The following BACH2 variants were observed in gnomAD, a reference collection of about 807,000 sequenced individuals.
BACH2 encodes BACH transcriptional regulator 2.
Under a neutral mutation model 61.8 loss-of-function variants are expected in BACH2, and 5 were observed. The observed-to-expected ratio is 0.08, with a 90% CI of 0.04 to 0.17. The LOEUF (loss-of-function observed/expected upper bound fraction) is 0.17. Among genes scored for constraint, BACH2 ranks in the 10% least tolerant of loss-of-function variants. The pLI, the probability that BACH2 is intolerant of heterozygous loss-of-function variation, is 1.00. For synonymous variants in BACH2, 446 were observed against 440.1 expected (o/e 1.01, Z -0.17); for missense variants, 824 against 1,091.1 (o/e 0.76, Z 3.45).
intron 4 of BACH2, among the ~76,000 whole-genome samples, chr6:90,184,388 G>C (rs746639085): frequency 3.9e-5 from 6 of 152,156 alleles, no homozygotes; most frequent in Admixed American, 6.5e-5. Flanking sequence ...GAGAAAAAAA[G>C]GTAAGAGCTG....
intron 3 of BACH2, among the ~76,000 whole-genome samples, chr6:90,244,984 AG>A (rs1770584357): frequency 6.6e-6 from 1 of 152,120 alleles, no homozygotes; most frequent in Non-Finnish European, 1.5e-5. Flanking sequence ...ACCTGAGGTC[AG>A]GAGTTCGAGA....
At chr6:90,024,545 A>AGGAGGAAATAAACTAGGTGACTT (rs1778538189) in intron 5 of BACH2, among the ~76,000 whole-genome samples, 2 of 152,310 alleles carry the variant, frequency 1.3e-5, no homozygotes, top group African/African-American at 4.8e-5. Context: ...TATCTATGCA[A>AGGAGGAAATAAACTAGGTGACTT]GGAGGAAATA....
At chr6:90,138,505 T>A (rs1759329322) in intron 4 of BACH2, among the ~76,000 whole-genome samples, 1 of 150,372 alleles carries the variant, frequency 6.7e-6, no homozygotes, top group African/African-American at 2.5e-5. Flanking sequence ...CTCAAAAAAA[T>A]AAATAAAAAA....
At chr6:90,117,891 C>T (rs902507914) in intron 4 of BACH2, among the ~76,000 whole-genome samples, 2 of 152,158 alleles carry the variant, frequency 1.3e-5, no homozygotes, top group African/African-American at 4.8e-5. Context: ...ATAAACTTTA[C>T]CTTACCTAAG....
intron 5 of BACH2, among the ~76,000 whole-genome samples, chr6:90,049,720 A>G (rs1779948061): frequency 6.6e-6 from 1 of 152,220 alleles, no homozygotes; most frequent in Admixed American, 6.5e-5. Context: ...TTGATCAAGC[A>G]GTAAAAATTA....
At chr6:90,123,699 G>A (rs1783728703) in intron 4 of BACH2, among the ~76,000 whole-genome samples, 1 of 147,716 alleles carries the variant, frequency 6.8e-6, no homozygotes, top group Non-Finnish European at 1.5e-5. Context: ...GAACCCGGGA[G>A]GCGGAGCTTG....
intron 3 of BACH2, among the ~76,000 whole-genome samples, chr6:90,224,444 A>G (rs1769843574): frequency 1.3e-5 from 2 of 152,298 alleles, no homozygotes; most frequent in South Asian, 2.1e-4. Context: ...ATTTATGATC[A>G]GGCTGGAATA....
rs557070358 is a variant in BACH2 at position 89,979,138 on chromosome 6, G to C, written c.244-27276C>G. 7.9e-5 allele frequency among the ~76,000 whole-genome samples: 12 copies of C among 152,156 alleles called. No homozygotes were observed. In the East Asian group the frequency reaches 2.3e-3, roughly 29 times the overall value. On this transcript the variant is annotated intron_variant, in intron 6 of 8. Transcript: ENST00000257749. ...AAATAACTGTATGGACAGAAGTGTG[G>C]ATGAAAAAAACGCATCAGAATTTCT... is the stretch of plus-strand genomic sequence containing the variant.
chr6:90,039,362 T>A (rs1296250942), intron 5 of BACH2, among the ~76,000 whole-genome samples: 1 of 152,178 alleles, frequency 6.6e-6, no homozygotes, highest in Admixed American at 6.5e-5. Flanking sequence ...CAGTACCAAT[T>A]TATACTCCTG....
chr6:90,146,170 T>C lies in BACH2; in HGVS notation c.-161-57061A>G, dbSNP rs117554021. On this transcript the variant is annotated intron_variant, in intron 4 of 8. Transcript: ENST00000257749. ...GGGGTTAAATCTAAGCTAGAATCAA[T>C]AGTCTTTCATCACCACGTGTGACCA... Among the ~76,000 whole-genome samples, 37 of 152,336 alleles carry C rather than the reference T, an allele frequency of 2.4e-4. 1 individual carries two copies. In the East Asian group the frequency reaches 5.4e-3, roughly 22 times the overall value.
chr6:90,162,091 C>T (rs930692293), intron 4 of BACH2, among the ~76,000 whole-genome samples: 3 of 152,228 alleles, frequency 2.0e-5, no homozygotes, highest in Admixed American at 6.5e-5. Flanking sequence ...AGCTTCTTCA[C>T]GATTTTTGGA....
At chr6:90,274,731 G>A (rs1024726928) in intron 1 of BACH2, among the ~76,000 whole-genome samples, 4 of 152,186 alleles carry the variant, frequency 2.6e-5, no homozygotes, top group African/African-American at 7.2e-5. Flanking sequence ...TCTTTAACTC[G>A]TGATGAGTAA....
At chr6:90,052,927 T>A (rs1047766610) in intron 5 of BACH2, among the ~76,000 whole-genome samples, 1 of 152,224 alleles carries the variant, frequency 6.6e-6, no homozygotes, top group Non-Finnish European at 1.5e-5. Context: ...CTGATATATC[T>A]GCATTTGTTT....
At chr6:90,059,630 T>C (rs1007180505) in intron 5 of BACH2, among the ~76,000 whole-genome samples, 2 of 152,156 alleles carry the variant, frequency 1.3e-5, no homozygotes, top group Admixed American at 6.5e-5. Flanking sequence ...ACTGGGTATA[T>C]ACCCAAAGGA....
At chr6:90,039,546 G>T (rs890028647) in intron 5 of BACH2, among the ~76,000 whole-genome samples, 2 of 152,034 alleles carry the variant, frequency 1.3e-5, no homozygotes, top group Admixed American at 1.3e-4. Context: ...TACCACGGCC[G>T]GCTAATTTTT....
intron 6 of BACH2, among the ~76,000 whole-genome samples, chr6:89,991,004 C>A (rs1038047077): frequency 6.6e-6 from 1 of 152,228 alleles, no homozygotes; most frequent in Non-Finnish European, 1.5e-5. Context: ...TCCCATCTAA[C>A]GTTGCACTTC....
chr6:90,180,522 A>G (rs1768122379), intron 4 of BACH2, among the ~76,000 whole-genome samples: 1 of 152,014 alleles, frequency 6.6e-6, no homozygotes, highest in Non-Finnish European at 1.5e-5. Context: ...TCATGCCTCA[A>G]CCACCTCTCA....
intron 6 of BACH2, among the ~76,000 whole-genome samples, chr6:89,991,392 T>C (rs757417418): frequency 1.1e-4 from 16 of 152,190 alleles, no homozygotes; most frequent in Non-Finnish European, 1.2e-4. Context: ...CTAGACTGTG[T>C]TAAATCATTA....
chr6:90,007,177 C>T (rs1375459878), intron 6 of BACH2, among the ~76,000 whole-genome samples: 3 of 152,090 alleles, frequency 2.0e-5, no homozygotes, highest in Admixed American at 6.6e-5. Context: ...CAGGTTCAAG[C>T]CATTCTCCTG....
Sources: gnomAD v4.1 joint callset for allele counts (sites outside exome capture counted in the v4.1 genomes callset) on GRCh38, gnomAD v4.1.1 for gene constraint, MANE v1.5 for transcripts, NCBI Gene and HGNC (gene_info 2026-07-23, HGNC 2026-07-21) for gene names.